The following TEP1 variants were observed in gnomAD, a reference collection of about 807,000 sequenced individuals.
TEP1 encodes the protein telomerase protein component 1.
Under a neutral mutation model 306.3 loss-of-function variants are expected in TEP1, and 241 were observed. That is an observed-to-expected ratio of 0.79 (90% CI 0.71 to 0.88). TEP1 has a LOEUF of 0.88. Among genes scored for constraint, TEP1 ranks in the 40% least tolerant of loss-of-function variants. The pLI is 0.00. For missense variants in TEP1, 3,051 were observed against 3,276.1 expected (o/e 0.93, Z 1.68); for synonymous variants, 1,289 against 1,305.5 (o/e 0.99, Z 0.27).
At position 20,384,041 on chromosome 14, in the gene TEP1, G is replaced by A. The variant is rs891267931; in HGVS notation, c.3531C>T (p.Phe1177=). The change falls in exon 24 of 55, where the codon TTC becomes TTT. Residue 1177 remains phenylalanine, a synonymous_variant. Transcript: ENST00000262715. ...TGQSGQGKTA[F]LASLVSALQA... is the part of the protein sequence containing the mutation. ...CCAGGCCCCTGAGACTCTGTACCAG[G>A]AAGGCTGTCTTGCCCTGTCCTGACT... 5.0e-6 allele frequency: 8 copies of A among 1,602,928 alleles called. No individual in the cohort carries two copies. Among genetic ancestry groups the A allele is most frequent in the Middle Eastern group, 1.7e-4 (1 of 6,022 alleles).
intron 49 of TEP1, among the ~76,000 whole-genome samples, chr14:20,372,205 C>G (rs1393245983): frequency 1.3e-5 from 2 of 152,192 alleles, no homozygotes; most frequent in East Asian, 3.8e-4. Flanking sequence ...ACTACATACT[C>G]TCAACATCTC....
chr14:20,382,666 C>A lies in TEP1; in HGVS notation c.4097G>T (p.Arg1366Leu). Residue 1366 changes from arginine to leucine, a missense_variant, in exon 28 of 55, where the codon CGC becomes CTC. By Grantham distance (102) the Arg-to-Leu change is moderately radical (BLOSUM62 -2). This residue lies in a region of TEP1 where 1,540 missense variants were observed against 1,705.9 expected (regional missense o/e 0.90). Coordinates refer to ENST00000262715, the MANE Select transcript of TEP1 (RefSeq NM_007110.5). ...GAGCCTCAGGTGATCGGTGACCAAG[C>A]GCAGGTAGAGCGGCCGGCCTGATTC... Reference protein sequence around the residue: ...KRESGRPLYLRLVTDHLRLFT... With the variant: ...KRESGRPLYLLLVTDHLRLFT... The A allele has an allele frequency of 1.2e-6, 2 of 1,614,054 alleles. No individual in the cohort carries two copies. Among genetic ancestry groups the A allele is most frequent in the East Asian group, 2.2e-5 (1 of 44,870 alleles).
Position 20,379,091 on chromosome 14 carries a change from C to A in TEP1, c.5142G>T (p.Val1714=). The change falls in exon 36 of 55, where the codon GTG becomes GTT. Residue 1714 remains valine (V), a synonymous_variant. Coordinates refer to ENST00000262715, the MANE Select transcript of TEP1 (RefSeq NM_007110.5). ...CAGAGATTCCATCACAGCCACTCAC[C>A]ACAGACTTCTCCTCCTGCGACAGTG... ...DLRTWQEEKS[V]VSGCDGISAC... 6.2e-7 allele frequency: 1 copy of A among 1,614,166 alleles called. No homozygotes were observed. Among genetic ancestry groups the A allele is most frequent in the South Asian group, 1.1e-5 (1 of 91,064 alleles).
rs753595800 is a variant in TEP1 at position 20,376,080 on chromosome 14, GGGTT to G, written c.6249+20_6249+23del. ...GAACTAGAGAGGCTATGGGACCCCA[GGGTT>G]GCATCCTTCTGCAGCTCACCCGATC... On this transcript the variant is annotated intron_variant, in intron 42 of 54. Transcript: ENST00000262715. The G allele has an allele frequency of 5.6e-6, 9 of 1,610,918 alleles. No homozygotes were observed. In the African/African-American group the frequency reaches 9.3e-5, roughly 17 times the overall value.
chr14:20,412,984 A>T (rs1400307989), intron 1 of TEP1, among the ~76,000 whole-genome samples: 1 of 141,916 alleles, frequency 7.0e-6, no homozygotes, highest in African/African-American at 2.8e-5. Flanking sequence ...AAGTGGCTGT[A>T]TGGTAGTCTA....
Position 20,382,704 on chromosome 14 carries a change from C to T in TEP1, c.4059G>A (p.Leu1353=), listed in dbSNP as rs772896832. The T allele has an allele frequency of 6.2e-7, 1 of 1,614,070 alleles. No homozygotes were observed. Among genetic ancestry groups the T allele is most frequent in the Admixed American group, 1.7e-5 (1 of 60,024 alleles). Residue 1353 remains leucine, a synonymous_variant, in exon 28 of 55, where the codon CTG becomes CTA. Coordinates refer to ENST00000262715, the MANE Select transcript of TEP1 (RefSeq NM_007110.5). ...ESPFNNQMRL[L]LVKRESGRPL... ...GCCGGCCTGATTCCCGCTTCACCAG[C>T]AGCAGTCGCATCTGGCAAGACTCAG...
chr14:20,410,020 C>CAAAAAA (rs570672845), intron 1 of TEP1, among the ~76,000 whole-genome samples: 12 of 58,954 alleles, frequency 2.0e-4, no homozygotes, highest in African/African-American at 3.3e-4. Context: ...GACTCTGTCT[C>CAAAAAA]AAAAAAAAAA....
At chr14:20,384,557 C>T (rs1876948143) in intron 22 of TEP1, 43 bp downstream of exon 22, 4 of 1,613,726 alleles carry the variant, frequency 2.5e-6, no homozygotes, top group Non-Finnish European at 3.4e-6. Flanking sequence ...CGGCTCCTCT[C>T]ACCACATCTC....
intron 15 of TEP1, 50 bp downstream of exon 15, chr14:20,390,631 C>T (rs780750888): frequency 6.4e-7 from 1 of 1,557,788 alleles, no homozygotes; most frequent in Non-Finnish European, 8.9e-7. Flanking sequence ...ATATCAGTTG[C>T]AGAGGAAAAT....
intron 1 of TEP1, among the ~76,000 whole-genome samples, chr14:20,411,066 C>T (rs1879652951): frequency 6.6e-6 from 1 of 152,044 alleles, no homozygotes; most frequent in Admixed American, 6.6e-5. Flanking sequence ...ATGATCCACC[C>T]ACCTCAGCCT....
At position 20,377,476 on chromosome 14, in the gene TEP1, C is replaced by G. The variant is rs112458527; in HGVS notation, c.5892G>C (p.Gln1964His). Residue 1964 changes from glutamine (Q) to histidine (H), a missense_variant, in exon 41 of 55, where the codon CAG (glutamine) becomes CAC (histidine). Gln to His is a conservative substitution (Grantham distance 24). This residue lies in a region of TEP1 where 1,540 missense variants were observed against 1,705.9 expected (regional missense o/e 0.90). Coordinates refer to ENST00000262715, the MANE Select transcript of TEP1 (RefSeq NM_007110.5). ...YKISSGSQGA[Q>H]GQALDVAVSA... ...ACACTGCCACATCCAGTGCCTGACCCTGAGCCCCCTGGGAACCTAGAGAAT... is the reference window on the plus strand; with the variant it reads ...ACACTGCCACATCCAGTGCCTGACCGTGAGCCCCCTGGGAACCTAGAGAAT... The G allele has an allele frequency of 1.9e-6, 3 of 1,613,918 alleles. No individual in the cohort carries two copies. Among genetic ancestry groups the G allele is most frequent in the Non-Finnish European group, 2.5e-6 (3 of 1,179,882 alleles).
At position 20,368,407 on chromosome 14, in the gene TEP1, G is replaced by A. The variant is rs754642322; in HGVS notation, c.*30C>T. The A allele has an allele frequency of 3.3e-5, 53 of 1,609,436 alleles. No homozygotes were observed. The highest frequency in any genetic ancestry group is 1.6e-4 in the Middle Eastern group (1 of 6,068). On this transcript the variant is annotated 3_prime_UTR_variant, in exon 55 of 55. Coordinates refer to ENST00000262715, the MANE Select transcript of TEP1 (RefSeq NM_007110.5). The stretch of plus-strand genomic sequence containing the variant: ...TTCAGGCTTTGCATCTCTAGCACAA[G>A]GGGTATCATTATTCCCGAGTGGCAC...
chr14:20,377,880 A>G, intron 39 of TEP1, 127 bp from the exon 40 acceptor site: 1 of 1,434,710 alleles, frequency 7.0e-7, no homozygotes, highest in Non-Finnish European at 9.6e-7. Context: ...CTGCCCCTGC[A>G]CACAGCGGCA....
chr14:20,387,031 T>G lies in TEP1; in HGVS notation c.2685-408A>C, dbSNP rs539086722. The stretch of plus-strand genomic sequence containing the variant: ...CTCACTGCAACCTCTGCCTCCAGGG[T>G]TCAAGCAATTCTCCCACCTCAGCCT... On this transcript the variant is annotated intron_variant, in intron 18 of 54. Coordinates refer to ENST00000262715, the MANE Select transcript of TEP1 (RefSeq NM_007110.5). Among the ~76,000 whole-genome samples, 130 of 149,838 alleles carry G rather than the reference T, an allele frequency of 8.7e-4. 1 individual carries two copies. The South Asian group carries it at 0.028, about 32-fold the overall frequency.
At chr14:20,392,520 G>A (rs1456509954) in intron 12 of TEP1, among the ~76,000 whole-genome samples, 1 of 152,218 alleles carries the variant, frequency 6.6e-6, no homozygotes, top group Non-Finnish European at 1.5e-5. Flanking sequence ...GACATCATGA[G>A]GAAGGAGGCA....
At chr14:20,403,543 G>C (rs1878928075) in intron 6 of TEP1, 95 bp from the exon 7 acceptor site, 17 of 1,594,476 alleles carry the variant, frequency 1.1e-5, no homozygotes, top group Non-Finnish European at 1.4e-5. Context: ...CTACCAAAAA[G>C]GAAGCCAACT....
At chr14:20,378,664 T>C in intron 37 of TEP1, 90 bp downstream of exon 37, 5 of 1,577,776 alleles carry the variant, frequency 3.2e-6, no homozygotes, top group Non-Finnish European at 4.3e-6. Flanking sequence ...GGCCAGGGAG[T>C]CAGCAGCCTC....
At chr14:20,409,153 A>C (rs1222196590) in intron 1 of TEP1, among the ~76,000 whole-genome samples, 2 of 152,136 alleles carry the variant, frequency 1.3e-5, no homozygotes, top group African/African-American at 2.4e-5. Flanking sequence ...CCCATAAATA[A>C]ATATATCTTG....
In TEP1 at chr14:20,381,650, G is replaced by C. The variant is rs1241317415; in HGVS notation, c.4461C>G (p.Ala1487=). The C allele has an allele frequency of 1.2e-6, 2 of 1,612,938 alleles. No homozygotes were observed. Among genetic ancestry groups the C allele is most frequent in the East Asian group, 2.2e-5 (1 of 44,852 alleles). ...LGEGPLERPG[A]RLCLPDGPLR... is the part of the protein sequence containing the mutation. ...GGGGCCCATCAGGGAGGCACAGCCGGGCACCAGGGCGCTCCAGAGGGCCCT... is the reference window on the plus strand; with the variant it reads ...GGGGCCCATCAGGGAGGCACAGCCGCGCACCAGGGCGCTCCAGAGGGCCCT... The change falls in exon 31 of 55, where the codon GCC becomes GCG. Residue 1487 remains alanine (A), a synonymous_variant. Transcript: ENST00000262715. The surrounding 1 kb of genome is among the most constrained non-coding windows in gnomAD (Gnocchi z 4.0).
Sources: gnomAD v4.1 joint callset for allele counts (sites outside exome capture counted in the v4.1 genomes callset) on GRCh38, gnomAD v4.1.1 for gene constraint, gnomAD v4.1.1 regional missense constraint, Gnocchi (gnomAD v3.1) non-coding constraint, MANE v1.5 for transcripts, NCBI Gene and HGNC (gene_info 2026-07-23, HGNC 2026-07-21) for gene names.